Variants in ALDH1L2 observed in about 807,000 individuals in gnomAD.
ALDH1L2 encodes the protein mitochondrial 10-formyltetrahydrofolate dehydrogenase.
A neutral mutation model predicts 111.0 loss-of-function variants in ALDH1L2; 91 were observed. The ratio of observed to expected loss-of-function variants is 0.82; its 90% CI spans 0.69 to 0.98. The LOEUF (loss-of-function observed/expected upper bound fraction) is 0.98. ALDH1L2 is among the 50% of genes least tolerant of loss of function. The pLI is 0.00. For synonymous variants in ALDH1L2, 374 were observed against 392.6 expected (o/e 0.95, Z 0.56); for missense variants, 995 against 1,126.8 (o/e 0.88, Z 1.67).
intron 19 of ALDH1L2, among the ~76,000 whole-genome samples, chr12:105,033,871 G>A (rs1565950490): frequency 1.3e-5 from 2 of 152,012 alleles, no homozygotes; most frequent in African/African-American, 2.4e-5. Context: ...ACAATGTCAA[G>A]GATCTAATAT....
intron 13 of ALDH1L2, chr12:105,048,209 CAT>C (rs1220877016): frequency 6.6e-6 from 1 of 152,194 alleles, no homozygotes. Context: ...ATCCTCAAAA[CAT>C]AACTTGCAAA....
intron 7 of ALDH1L2, 43 bp from the exon 8 acceptor site, chr12:105,061,795 G>C (rs369678388): frequency 9.6e-5 from 155 of 1,612,090 alleles, no homozygotes; most frequent in Non-Finnish European, 1.3e-4. Flanking sequence ...TGAGGATTGA[G>C]ACAATACAAA....
chr12:105,076,448 G>A (rs1179706097), intron 1 of ALDH1L2, among the ~76,000 whole-genome samples: 1 of 152,198 alleles, frequency 6.6e-6, no homozygotes, highest in Non-Finnish European at 1.5e-5. Flanking sequence ...CCACTTTAGG[G>A]ATAAAGAAAT....
intron 19 of ALDH1L2, 140 bp from the exon 20 acceptor site, chr12:105,032,074 G>GTTTTTTTTT (rs201142279): frequency 2.0e-6 from 1 of 496,764 alleles, no homozygotes; most frequent in Non-Finnish European, 3.1e-6. Context: ...TAGGTGGTTG[G>GTTTTTTTTT]TTTTTTTTTT....
At chr12:105,073,599 A>G (rs1207766213) in intron 2 of ALDH1L2, among the ~76,000 whole-genome samples, 2 of 152,192 alleles carry the variant, frequency 1.3e-5, no homozygotes, top group African/African-American at 4.8e-5. Context: ...AGCCACCCCA[A>G]ATCAAATCTA....
rs1025415656 is a variant in ALDH1L2, at chr12:105,024,559, C to T, written c.2717-80G>A. On this transcript the variant is annotated intron_variant, in intron 22 of 22. Coordinates refer to ENST00000258494, the MANE Select transcript of ALDH1L2 (RefSeq NM_001034173.4). The stretch of plus-strand genomic sequence containing the variant: ...CTTCAGACCTTCAGACATAGGTATA[C>T]GTAGGTGTCCAGGTCACTAAGTAAA... 8.7e-6 allele frequency: 12 copies of T among 1,385,544 alleles called. No individual in the cohort carries two copies. In the Admixed American group the frequency reaches 1.2e-4, roughly 14 times the overall value. 85.8% of individuals were successfully genotyped at this position (1,385,544 alleles called of 1,614,324 possible).
At chr12:105,038,289 C>CAA (rs1398987089) in intron 17 of ALDH1L2, 87 bp from the exon 18 acceptor site, 7 of 286,388 alleles carry the variant, frequency 2.4e-5, no homozygotes, top group Non-Finnish European at 3.6e-5. Flanking sequence ...AACACACACA[C>CAA]ACACACACAC....
chr12:105,066,414 C>T lies in ALDH1L2; in HGVS notation c.696+154G>A, dbSNP rs555212859. Among the ~76,000 whole-genome samples the T allele has an allele frequency of 2.0e-5, 3 of 152,156 alleles. No homozygotes were observed. In the South Asian group the frequency reaches 6.2e-4, roughly 32 times the overall value. ...GACTTTATTTTCTTTAGGGGACTCC[C>T]CTCTCCTGCGTATGTCTGGCTACCT... On this transcript the variant is annotated intron_variant, in intron 5 of 22. Coordinates refer to ENST00000258494, the MANE Select transcript of ALDH1L2 (RefSeq NM_001034173.4).
intron 9 of ALDH1L2, among the ~76,000 whole-genome samples, chr12:105,059,008 C>T (rs1876814442): frequency 6.6e-6 from 1 of 151,810 alleles, no homozygotes; most frequent in Non-Finnish European, 1.5e-5. Context: ...GTGGCTCACA[C>T]CTGTAATCCC....
chr12:105,063,984 G>A (rs867002225), intron 6 of ALDH1L2, among the ~76,000 whole-genome samples: 3 of 56,248 alleles, frequency 5.3e-5, no homozygotes, highest in Admixed American at 3.4e-4. Context: ...TTTTTTTTTT[G>A]AGACAGAGTC....
intron 1 of ALDH1L2, among the ~76,000 whole-genome samples, chr12:105,075,587 A>T (rs12310047): frequency 0.63 from 96,011 of 151,950 alleles, 30,509 homozygotes; most frequent in Middle Eastern, 0.78. Context: ...CTCTGTCCAC[A>T]CCCCGCCCCC....
intron 9 of ALDH1L2, among the ~76,000 whole-genome samples, chr12:105,060,184 G>T (rs1876901869): frequency 1.3e-5 from 2 of 151,584 alleles, no homozygotes; most frequent in African/African-American, 4.8e-5. Flanking sequence ...GCGAGGGTAG[G>T]AGAAAAAAGA....
chr12:105,028,174 G>A (rs185614912), intron 21 of ALDH1L2, among the ~76,000 whole-genome samples: 78 of 152,064 alleles, frequency 5.1e-4, no homozygotes, highest in Non-Finnish European at 1.1e-3. Flanking sequence ...GCAGTGGTGC[G>A]ATCTCGGCTC....
At chr12:105,050,444 A>G (rs1483687933) in intron 12 of ALDH1L2, 1 of 201,900 alleles carries the variant, frequency 5.0e-6, no homozygotes, top group Non-Finnish European at 1.0e-5. Context: ...AAGAGACAAG[A>G]TAGCAACGTA....
intron 15 of ALDH1L2, among the ~76,000 whole-genome samples, chr12:105,045,825 A>T (rs1313798459): frequency 6.6e-6 from 1 of 151,644 alleles, no homozygotes; most frequent in Non-Finnish European, 1.5e-5. Context: ...CAAATTATAA[A>T]CTTCTAGAAT....
At chr12:105,072,833 G>A (rs1223351459) in intron 2 of ALDH1L2, among the ~76,000 whole-genome samples, 1 of 152,156 alleles carries the variant, frequency 6.6e-6, no homozygotes, top group African/African-American at 2.4e-5. Flanking sequence ...AATTAGCCGG[G>A]TATGATGGTG....
intron 19 of ALDH1L2, 104 bp from the exon 20 acceptor site, chr12:105,032,038 T>A: frequency 7.9e-7 from 1 of 1,265,614 alleles, no homozygotes; most frequent in Non-Finnish European, 1.1e-6. Flanking sequence ...TGTATTGTCA[T>A]TTAGTCTTTA....
At chr12:105,059,869 G>T (rs1177245759) in intron 9 of ALDH1L2, among the ~76,000 whole-genome samples, 1 of 152,172 alleles carries the variant, frequency 6.6e-6, no homozygotes, top group Admixed American at 6.5e-5. Context: ...GCCACAATGT[G>T]GCCTAGGATC....
intron 22 of ALDH1L2, 116 bp downstream of exon 22, chr12:105,026,429 T>C (rs900732145): frequency 5.0e-6 from 6 of 1,195,836 alleles, no homozygotes; most frequent in Admixed American, 4.4e-5. Flanking sequence ...TAAACCCAGA[T>C]ATAACTGCCA....
Sources: gnomAD v4.1 joint callset for allele counts (sites outside exome capture counted in the v4.1 genomes callset) on GRCh38, gnomAD v4.1.1 for gene constraint, MANE v1.5 for transcripts, NCBI Gene and HGNC (gene_info 2026-07-23, HGNC 2026-07-21) for gene names.